The following TMEM108 variants were observed in gnomAD, a reference collection of about 807,000 sequenced individuals.
The protein encoded by TMEM108 is cancer/testis antigen 124.
A neutral mutation model predicts 35.1 loss-of-function variants in TMEM108; 12 were observed. The observed-to-expected ratio is 0.34, with a 90% CI of 0.22 to 0.55. The LOEUF (loss-of-function observed/expected upper bound fraction) is 0.55, where lower values mean the gene tolerates loss of function less well. Among genes scored for constraint, TMEM108 ranks in the 20% least tolerant of loss-of-function variants. The pLI is 0.89. For missense variants in TMEM108, 680 were observed against 753.3 expected (o/e 0.90, Z 1.14); for synonymous variants, 287 against 308.6 (o/e 0.93, Z 0.73).
intron 2 of TMEM108, among the ~76,000 whole-genome samples, chr3:133,078,605 G>A (rs1311885441): frequency 6.6e-6 from 1 of 152,190 alleles, no homozygotes. Context: ...TAGCAACTCA[G>A]TAATTTAAGT....
chr3:133,192,858 T>G (rs924536582), intron 2 of TMEM108: 1 of 152,180 alleles, frequency 6.6e-6, no homozygotes. Context: ...GGAAACTTCA[T>G]ATACTAGTCA....
chr3:133,288,849 T>A (rs1465253700), intron 3 of TMEM108, among the ~76,000 whole-genome samples: 6 of 152,110 alleles, frequency 3.9e-5, no homozygotes, highest in Non-Finnish European at 8.8e-5. Flanking sequence ...AATTTTCCTG[T>A]CTCAGCCTCC....
chr3:133,375,280 T>G (rs965195120), intron 3 of TMEM108, among the ~76,000 whole-genome samples: 1 of 152,206 alleles, frequency 6.6e-6, no homozygotes, highest in Admixed American at 6.5e-5. Context: ...AGCTCATGTA[T>G]GCATTGGAAT....
At chr3:133,303,494 C>G (rs1312665486) in intron 3 of TMEM108, among the ~76,000 whole-genome samples, 1 of 152,134 alleles carries the variant, frequency 6.6e-6, no homozygotes, top group African/African-American at 2.4e-5. Flanking sequence ...ATTTAATAAG[C>G]TGCGGATTCA....
intron 3 of TMEM108, among the ~76,000 whole-genome samples, chr3:133,366,076 T>A (rs1021789967): frequency 1.3e-5 from 2 of 152,158 alleles, no homozygotes; most frequent in African/African-American, 4.8e-5. Flanking sequence ...TCTCTGAACT[T>A]TAGTTTTAGG....
chr3:133,250,732 A>G (rs1946456547), intron 3 of TMEM108, among the ~76,000 whole-genome samples: 1 of 152,222 alleles, frequency 6.6e-6, no homozygotes, highest in Non-Finnish European at 1.5e-5. Context: ...AGGCTACCAT[A>G]TGATTTGGGG....
intron 3 of TMEM108, among the ~76,000 whole-genome samples, chr3:133,330,756 G>GT (rs1362019023): frequency 6.6e-6 from 1 of 151,836 alleles, no homozygotes; most frequent in Non-Finnish European, 1.5e-5. Context: ...AATTGCATCT[G>GT]TTTTTTTAAT....
chr3:133,081,976 G>T (rs1270794604), intron 2 of TMEM108, among the ~76,000 whole-genome samples: 1 of 152,180 alleles, frequency 6.6e-6, no homozygotes, highest in African/African-American at 2.4e-5. Flanking sequence ...CCTTAGTAGA[G>T]CATGACCTCA....
At chr3:133,197,992 A>G (rs957288006) in intron 2 of TMEM108, among the ~76,000 whole-genome samples, 1 of 152,156 alleles carries the variant, frequency 6.6e-6, no homozygotes, top group Non-Finnish European at 1.5e-5. Flanking sequence ...TTCTAATGAC[A>G]TGCAAGTATC....
chr3:133,313,996 T>A (rs1031899072), intron 3 of TMEM108, among the ~76,000 whole-genome samples: 1 of 152,168 alleles, frequency 6.6e-6, no homozygotes, highest in Admixed American at 6.5e-5. Flanking sequence ...TTATCCGCTA[T>A]AATCTAGTAC....
intron 3 of TMEM108, among the ~76,000 whole-genome samples, chr3:133,339,025 C>T (rs2071583887): frequency 6.6e-6 from 1 of 151,202 alleles, no homozygotes; most frequent in African/African-American, 2.4e-5. Context: ...AAGAACAGAA[C>T]ACAGGAAGGA....
At chr3:133,051,916 G>A (rs1253075946) in intron 2 of TMEM108, among the ~76,000 whole-genome samples, 2 of 152,082 alleles carry the variant, frequency 1.3e-5, no homozygotes, top group Non-Finnish European at 2.9e-5. Flanking sequence ...AGTAGGTCTT[G>A]AGGTCAGGTA....
intron 3 of TMEM108, among the ~76,000 whole-genome samples, chr3:133,331,520 G>A (rs1197283): frequency 0.88 from 134,300 of 152,224 alleles, 59,650 homozygotes; most frequent in African/African-American, 0.95. Context: ...TCCAGTGTGG[G>A]CTACAGTATA....
At chr3:133,108,411 TG>T (rs1944184389) in intron 2 of TMEM108, among the ~76,000 whole-genome samples, 1 of 152,194 alleles carries the variant, frequency 6.6e-6, no homozygotes, top group Non-Finnish European at 1.5e-5. Flanking sequence ...GCTGCATAAA[TG>T]TCTTCTTTTG....
intron 3 of TMEM108, among the ~76,000 whole-genome samples, chr3:133,363,286 C>T (rs1255884642): frequency 6.6e-6 from 1 of 152,168 alleles, no homozygotes; most frequent in East Asian, 1.9e-4. Flanking sequence ...CCATCTGGAA[C>T]AGGGACCCAA....
intron 3 of TMEM108, among the ~76,000 whole-genome samples, chr3:133,269,488 G>C (rs1295515234): frequency 1.3e-5 from 2 of 152,140 alleles, no homozygotes; most frequent in African/African-American, 4.8e-5. Context: ...TCATCAAGGA[G>C]CACTGGGGTC....
At position 133,275,239 on chromosome 3, in the gene TMEM108, C is replaced by T. The variant is rs555079892; in HGVS notation, c.40+45888C>T. Among the ~76,000 whole-genome samples the T allele has an allele frequency of 3.3e-5, 5 of 152,146 alleles. No homozygotes were observed. In the South Asian group the frequency reaches 6.2e-4, roughly 19 times the overall value. On this transcript the variant is annotated intron_variant, in intron 3 of 5. Transcript: ENST00000321871. ...TTTTTCCTTAGATACTCTTTAAAAG[C>T]AGTACTGTCCACTAGAAATATAATA...
intron 2 of TMEM108, among the ~76,000 whole-genome samples, chr3:133,123,210 T>C (rs941046626): frequency 7.9e-5 from 12 of 152,246 alleles, no homozygotes; most frequent in African/African-American, 2.9e-4. Flanking sequence ...TTCCATTGCA[T>C]TGGTTTGCCA....
intron 2 of TMEM108, among the ~76,000 whole-genome samples, chr3:133,112,873 A>G (rs932822160): frequency 3.3e-5 from 5 of 152,230 alleles, no homozygotes; most frequent in Admixed American, 2.0e-4. Context: ...AAAATTGTGC[A>G]ACAAAACCCA....
Sources: gnomAD v4.1 joint callset for allele counts (sites outside exome capture counted in the v4.1 genomes callset) on GRCh38, gnomAD v4.1.1 for gene constraint, MANE v1.5 for transcripts, NCBI Gene and HGNC (gene_info 2026-07-23, HGNC 2026-07-21) for gene names.